Variants in PCDHGA5 observed in about 807,000 individuals in gnomAD.
The protein encoded by PCDHGA5 is protocadherin gamma-A5.
PCDHGA5 carries 36 observed loss-of-function variants against 56.7 expected under a neutral mutation model. The ratio of observed to expected loss-of-function variants is 0.64; its 90% CI spans 0.49 to 0.84. The LOEUF is 0.84. Ranked by LOEUF, PCDHGA5 falls within the 40% of genes least tolerant of loss-of-function variation. The probability of loss-of-function intolerance (pLI) is 0.00; values close to 1 mark genes in which losing one functional copy is unlikely to be tolerated. For synonymous variants in PCDHGA5, 563 were observed against 520.2 expected (o/e 1.08, Z -1.12); for missense variants, 1,305 against 1,201.5 (o/e 1.09, Z -1.27).
At position 141,405,406 on chromosome 5, in the gene PCDHGA5, T is replaced by C. The variant is rs750140674; in HGVS notation, c.2421+38655T>C. On this transcript the variant is annotated intron_variant, in intron 1 of 3. Coordinates refer to ENST00000518069, the MANE Select transcript of PCDHGA5 (RefSeq NM_018918.3). ...GTTCATTTTTTTTCTTTCTTTCTTTTCTTTTTTTGTTTTTTGTTTTGTTTT... is the reference window on the plus strand; with the variant it reads ...GTTCATTTTTTTTCTTTCTTTCTTTCCTTTTTTTGTTTTTTGTTTTGTTTT... 1.2e-5 allele frequency: 19 copies of C among 1,584,070 alleles called. No individual in the cohort carries two copies. The Admixed American group carries it at 1.2e-4, about 10-fold the overall frequency.
chr5:141,370,764 C>T (rs2149970844), intron 1 of PCDHGA5: 2 of 1,613,908 alleles, frequency 1.2e-6, no homozygotes, highest in Non-Finnish European at 1.7e-6. Flanking sequence ...TGTGCTGATC[C>T]AGGATATTAA....
chr5:141,399,522 C>T, intron 1 of PCDHGA5: 6 of 1,614,056 alleles, frequency 3.7e-6, no homozygotes, highest in Non-Finnish European at 5.1e-6. Flanking sequence ...CTCCTGGGGC[C>T]TCCATCGCGC....
At chr5:141,464,189 C>T (rs1215955823) in intron 1 of PCDHGA5, among the ~76,000 whole-genome samples, 1 of 150,620 alleles carries the variant, frequency 6.6e-6, no homozygotes, top group Non-Finnish European at 1.5e-5. Context: ...TGCTTGATTT[C>T]AGGAGGCGGA....
chr5:141,410,329 G>T, intron 1 of PCDHGA5: 1 of 1,613,982 alleles, frequency 6.2e-7, no homozygotes, highest in African/African-American at 1.3e-5. Context: ...CCGTGATTCT[G>T]GCCATTGCCT....
chr5:141,403,405 T>A, intron 1 of PCDHGA5: 4 of 1,614,060 alleles, frequency 2.5e-6, no homozygotes, highest in Non-Finnish European at 3.4e-6. Flanking sequence ...CTGGAGCACG[T>A]TATCCACTTC....
rs1049654933 is a variant in PCDHGA5 at position 141,497,808 on chromosome 5, A to G, written c.2480+2943A>G. 2.6e-5 allele frequency among the ~76,000 whole-genome samples: 4 copies of G among 152,282 alleles called. No homozygotes were observed. The East Asian group carries it at 7.7e-4, about 29-fold the overall frequency. Reference sequence around the variant, plus strand: ...ACCTGCTTCAGCTTCCCAAAGTGCTAGAATTACAGGTGTGATCGCCCCCGG... The same window carrying G: ...ACCTGCTTCAGCTTCCCAAAGTGCTGGAATTACAGGTGTGATCGCCCCCGG... On this transcript the variant is annotated intron_variant, in intron 2 of 3. Coordinates refer to ENST00000518069, the MANE Select transcript of PCDHGA5 (RefSeq NM_018918.3).
chr5:141,486,011 T>C lies in PCDHGA5; in HGVS notation c.2422-8796T>C. The C allele has an allele frequency of 6.2e-7, 1 of 1,614,188 alleles. No individual in the cohort carries two copies. Among genetic ancestry groups the C allele is most frequent in the Non-Finnish European group, 8.5e-7 (1 of 1,180,014 alleles). ...GGGTCCCAGTGGTAACGTCACCTTTTATTTCAGTGGTCATACCCCTGATCG... is the reference window on the plus strand; with the variant it reads ...GGGTCCCAGTGGTAACGTCACCTTTCATTTCAGTGGTCATACCCCTGATCG... On this transcript the variant is annotated intron_variant, in intron 1 of 3. Coordinates refer to ENST00000518069, the MANE Select transcript of PCDHGA5 (RefSeq NM_018918.3). This position sits in a 1 kb window ranked among gnomAD's most constrained non-coding sequence, Gnocchi z 5.0.
In PCDHGA5 at chr5:141,423,113, C is replaced by G. The variant is rs2096710947; in HGVS notation, c.2421+56362C>G. On this transcript the variant is annotated intron_variant, in intron 1 of 3. Coordinates refer to ENST00000518069, the MANE Select transcript of PCDHGA5 (RefSeq NM_018918.3). The stretch of plus-strand genomic sequence containing the variant: ...GGGGAGCACACGGGCGAGGTGCGTA[C>G]AGCGCGGGCACTGCTGGACAGAGAC... The G allele has an allele frequency of 1.9e-6, 3 of 1,613,702 alleles. No homozygotes were observed. The highest frequency in any genetic ancestry group is 2.5e-6 in the Non-Finnish European group (3 of 1,179,992).
At chr5:141,374,627 G>T (rs955993144) in intron 1 of PCDHGA5, 5 of 1,613,182 alleles carry the variant, frequency 3.1e-6, no homozygotes, top group Admixed American at 1.7e-5. Flanking sequence ...CTCAGTGGAC[G>T]TGCAAAGCGA....
chr5:141,455,855 C>A (rs1267803457), intron 1 of PCDHGA5, among the ~76,000 whole-genome samples: 4 of 147,088 alleles, frequency 2.7e-5, no homozygotes, highest in African/African-American at 1.0e-4. Flanking sequence ...AAAATAATTT[C>A]TTTTATTATT....
chr5:141,388,434 G>A (rs767784412), intron 1 of PCDHGA5: 3 of 1,613,878 alleles, frequency 1.9e-6, no homozygotes, highest in Non-Finnish European at 2.5e-6. Flanking sequence ...GATAAATAAA[G>A]AGAAATCAGA....
intron 2 of PCDHGA5, among the ~76,000 whole-genome samples, chr5:141,500,812 T>C: frequency 6.6e-6 from 1 of 152,322 alleles, no homozygotes; most frequent in South Asian, 2.1e-4. Flanking sequence ...CATATGAATA[T>C]ACATATTATT....
chr5:141,405,856 C>T (rs1340012897), intron 1 of PCDHGA5, among the ~76,000 whole-genome samples: 1 of 152,096 alleles, frequency 6.6e-6, no homozygotes, highest in Non-Finnish European at 1.5e-5. Flanking sequence ...GTGTGTTTCT[C>T]ATCACTTTTC....
rs1252361961 is a variant in PCDHGA5 at position 141,486,106 on chromosome 5, G to A, written c.2422-8701G>A. The A allele has an allele frequency of 2.5e-6, 4 of 1,614,190 alleles. No individual in the cohort carries two copies. The highest frequency in any genetic ancestry group is 1.1e-5 in the South Asian group (1 of 91,086). Reference sequence around the variant, plus strand: ...CTCTTTTGGGGCCCCTAGACTTTGAGAGTGAGAATTACTATGAATTTGATG... The same window carrying A: ...CTCTTTTGGGGCCCCTAGACTTTGAAAGTGAGAATTACTATGAATTTGATG... On this transcript the variant is annotated intron_variant, in intron 1 of 3. Transcript: ENST00000518069. The surrounding 1 kb of genome is among the most constrained non-coding windows in gnomAD (Gnocchi z 5.0).
chr5:141,387,793 A>T, intron 1 of PCDHGA5: 1 of 1,495,928 alleles, frequency 6.7e-7, no homozygotes, highest in Non-Finnish European at 8.9e-7. Flanking sequence ...CTGCAACTAA[A>T]GTCCGTTCGG....
At chr5:141,421,618 G>A (rs748399893) in intron 1 of PCDHGA5, 1 of 1,613,766 alleles carries the variant, frequency 6.2e-7, no homozygotes, top group African/African-American at 1.3e-5. Context: ...TAATGATAAC[G>A]CCCCCAGCTT....
chr5:141,407,390 G>T (rs2094924861), intron 1 of PCDHGA5, among the ~76,000 whole-genome samples: 1 of 152,164 alleles, frequency 6.6e-6, no homozygotes, highest in Non-Finnish European at 1.5e-5. Flanking sequence ...GTATGTCATG[G>T]TAGGTAGTTA....
chr5:141,417,236 A>T (rs1387216221), intron 1 of PCDHGA5: 2 of 152,220 alleles, frequency 1.3e-5, no homozygotes, highest in Admixed American at 1.3e-4. Flanking sequence ...TTTGTTGCTT[A>T]TCTTCAGTAC....
intron 1 of PCDHGA5, chr5:141,403,394 C>A: frequency 6.2e-7 from 1 of 1,614,054 alleles, no homozygotes; most frequent in South Asian, 1.1e-5. Flanking sequence ...AATCGCGGTT[C>A]CTGGAGCACG....
Sources: allele counts gnomAD v4.1 joint callset (sites outside exome capture counted in the v4.1 genomes callset), GRCh38; gene constraint gnomAD v4.1.1; non-coding constraint Gnocchi (gnomAD v3.1); transcripts MANE v1.5; gene names NCBI Gene and HGNC (gene_info 2026-07-23, HGNC 2026-07-21).